Variants in ULK4 observed in about 807,000 individuals in gnomAD.
The protein encoded by ULK4 is unc-51 like kinase 4.
A neutral mutation model predicts 160.6 loss-of-function variants in ULK4; 133 were observed. The ratio of observed to expected loss-of-function variants is 0.83; its 90% CI spans 0.72 to 0.96. ULK4 has a LOEUF of 0.96. Among genes scored for constraint, ULK4 ranks in the 40% least tolerant of loss-of-function variants. The probability of loss-of-function intolerance (pLI) is 0.00; values close to 1 mark genes in which losing one functional copy is unlikely to be tolerated. For missense variants in ULK4, 1,580 were observed against 1,499.5 expected, an observed-to-expected ratio of 1.05 and a Z score of -0.89; for synonymous variants, 534 against 539.8, an observed-to-expected ratio of 0.99 and a Z score of 0.15.
intron 30 of ULK4, among the ~76,000 whole-genome samples, chr3:41,642,193 T>A (rs2034238332): frequency 6.6e-6 from 1 of 152,000 alleles, no homozygotes; most frequent in Non-Finnish European, 1.5e-5. Context: ...CAGTTTTTAC[T>A]CTTTTTTTTT....
intron 32 of ULK4, among the ~76,000 whole-genome samples, chr3:41,526,819 T>C (rs1269998107): frequency 6.6e-6 from 1 of 152,196 alleles, no homozygotes; most frequent in African/African-American, 2.4e-5. Context: ...TTTTTAAAAA[T>C]TTCCTTGAAG....
intron 32 of ULK4, among the ~76,000 whole-genome samples, chr3:41,526,735 T>C (rs965351855): frequency 1.6e-4 from 24 of 152,230 alleles, no homozygotes; most frequent in Admixed American, 4.6e-4. Context: ...AAGCATATAC[T>C]GCCCATATTT....
intron 30 of ULK4, among the ~76,000 whole-genome samples, chr3:41,649,534 C>G (rs1429714433): frequency 6.6e-6 from 1 of 152,220 alleles, no homozygotes; most frequent in African/African-American, 2.4e-5. Context: ...CTGGCACCTC[C>G]TCCGGTTGTG....
At chr3:41,819,642 CTGA>C in intron 18 of ULK4, 136 bp from the exon 19 acceptor site, 1 of 660,270 alleles carries the variant, frequency 1.5e-6, no homozygotes, top group Non-Finnish European at 2.5e-6. Flanking sequence ...TACTTACTAT[CTGA>C]TGATAACGAC....
At chr3:41,514,891 C>T (rs990303045) in intron 32 of ULK4, among the ~76,000 whole-genome samples, 1 of 152,042 alleles carries the variant, frequency 6.6e-6, no homozygotes, top group African/African-American at 2.4e-5. Flanking sequence ...TGCATGTTTA[C>T]CCCCAAAATT....
chr3:41,807,240 T>G (rs1004832149), intron 19 of ULK4, among the ~76,000 whole-genome samples: 1 of 152,110 alleles, frequency 6.6e-6, no homozygotes, highest in African/African-American at 2.4e-5. Context: ...CCTACATTTA[T>G]TTAACAAGAA....
At chr3:41,401,215 C>T (rs968855236) in intron 34 of ULK4, among the ~76,000 whole-genome samples, 25 of 152,256 alleles carry the variant, frequency 1.6e-4, no homozygotes, top group Non-Finnish European at 3.1e-4. Context: ...TGCTGAAACA[C>T]GTGTCCTGAA....
chr3:41,366,573 A>ACACACACACACACACT (rs4016417), intron 35 of ULK4, among the ~76,000 whole-genome samples: 29 of 151,554 alleles, frequency 1.9e-4, no homozygotes, highest in African/African-American at 6.3e-4. Flanking sequence ...ACACACACAC[A>ACACACACACACACACT]CTTTATCTAT....
intron 31 of ULK4, among the ~76,000 whole-genome samples, chr3:41,605,734 T>C (rs949512146): frequency 6.6e-6 from 1 of 151,944 alleles, no homozygotes; most frequent in East Asian, 1.9e-4. Flanking sequence ...TAAAGATGAC[T>C]TGAACAACAA....
At chr3:41,901,131 C>T (rs1434228941) in intron 12 of ULK4, among the ~76,000 whole-genome samples, 1 of 148,872 alleles carries the variant, frequency 6.7e-6, no homozygotes, top group Non-Finnish European at 1.5e-5. Flanking sequence ...ATGTTCTAAA[C>T]TGTGATGAGG....
chr3:41,666,254 C>T (rs1285698328), intron 29 of ULK4, among the ~76,000 whole-genome samples: 1 of 152,174 alleles, frequency 6.6e-6, no homozygotes, highest in Non-Finnish European at 1.5e-5. Flanking sequence ...TAGCCCAAGG[C>T]CCCCATCATA....
chr3:41,655,145 C>G (rs1313908912), intron 30 of ULK4, among the ~76,000 whole-genome samples: 1 of 139,752 alleles, frequency 7.2e-6, no homozygotes, highest in Non-Finnish European at 1.6e-5. Context: ...GCCATCTCTA[C>G]AAAAAAAAAA....
At chr3:41,499,930 TTC>T (rs1402765057) in intron 32 of ULK4, among the ~76,000 whole-genome samples, 2 of 152,214 alleles carry the variant, frequency 1.3e-5, no homozygotes, top group Admixed American at 6.5e-5. Flanking sequence ...AGCTATATTT[TTC>T]TGTTTATTTT....
intron 35 of ULK4, among the ~76,000 whole-genome samples, chr3:41,392,913 C>T (rs1162782597): frequency 1.3e-5 from 2 of 152,128 alleles, no homozygotes; most frequent in Non-Finnish European, 2.9e-5. Flanking sequence ...AGTTGGGTCT[C>T]CCCAAAGTCA....
At chr3:41,663,259 T>C (rs966306075) in intron 30 of ULK4, among the ~76,000 whole-genome samples, 1 of 151,544 alleles carries the variant, frequency 6.6e-6, no homozygotes, top group Non-Finnish European at 1.5e-5. Flanking sequence ...CATAAAATGG[T>C]AGCAAATAAC....
chr3:41,463,121 G>A lies in ULK4; in HGVS notation c.3359C>T (p.Thr1120Ile), dbSNP rs2083732207. The change falls in exon 33 of 37, where the codon ACC becomes ATC. Residue 1120 changes from threonine to isoleucine, a missense_variant. Coordinates refer to ENST00000301831, the MANE Select transcript of ULK4 (RefSeq NM_017886.4). ...CAGCCGTACAATACCGGAGGTATAG[G>A]TCAGCATGCTGTGCAAAATATCAAG... ...SLLDILHSML[T>I]YTSGIVRLAL... 3 of 1,613,754 alleles carry A rather than the reference G, an allele frequency of 1.9e-6. No homozygotes were observed. The highest frequency in any genetic ancestry group is 3.3e-5 in the Admixed American group (2 of 60,020).
chr3:41,805,441 T>A (rs936243751), intron 19 of ULK4, among the ~76,000 whole-genome samples: 1 of 152,226 alleles, frequency 6.6e-6, no homozygotes, highest in African/African-American at 2.4e-5. Flanking sequence ...AGGGACAATT[T>A]GACTTCCTCT....
chr3:41,757,617 G>A (rs1231579258), intron 21 of ULK4, among the ~76,000 whole-genome samples: 1 of 137,112 alleles, frequency 7.3e-6, no homozygotes, highest in African/African-American at 2.9e-5. Context: ...GCGCAACAGA[G>A]CGAGACTCTC....
chr3:41,278,521 G>A (rs2125692186), intron 35 of ULK4, among the ~76,000 whole-genome samples: 1 of 152,262 alleles, frequency 6.6e-6, no homozygotes, highest in Non-Finnish European at 1.5e-5. Context: ...TGTGTAGCCT[G>A]GCTGGGAGAC....
Sources: allele counts gnomAD v4.1 joint callset (sites outside exome capture counted in the v4.1 genomes callset), GRCh38; gene constraint gnomAD v4.1.1; transcripts MANE v1.5; gene names NCBI Gene and HGNC (gene_info 2026-07-23, HGNC 2026-07-21).